The following PRLR variants were observed in gnomAD, a reference collection of about 807,000 sequenced individuals.
PRLR encodes prolactin receptor.
Under a neutral mutation model 40.2 loss-of-function variants are expected in PRLR, and 13 were observed. That is an observed-to-expected ratio of 0.32 (90% CI 0.21 to 0.51). The LOEUF (loss-of-function observed/expected upper bound fraction) is 0.51. Ranked by LOEUF, PRLR falls within the 20% of genes least tolerant of loss-of-function variation. The pLI, the probability that PRLR is intolerant of heterozygous loss-of-function variation, is 0.97. For synonymous variants in PRLR, 269 were observed against 278.7 expected (o/e 0.97, Z 0.35); for missense variants, 656 against 747.3 (o/e 0.88, Z 1.42).
intron 1 of PRLR, among the ~76,000 whole-genome samples, chr5:35,155,188 T>C (rs1774452477): frequency 1.3e-5 from 2 of 152,106 alleles, no homozygotes; most frequent in Admixed American, 1.3e-4. Context: ...TATGAATAAA[T>C]ATACATTTAC....
intron 1 of PRLR, among the ~76,000 whole-genome samples, chr5:35,147,038 T>C (rs145331533): frequency 1.2e-3 from 187 of 152,264 alleles, no homozygotes; most frequent in African/African-American, 4.1e-3. Flanking sequence ...GAGAGTAGGA[T>C]GCTGAACTGA....
intron 1 of PRLR, among the ~76,000 whole-genome samples, chr5:35,215,694 A>G (rs754868838): frequency 2.0e-5 from 3 of 151,986 alleles, no homozygotes; most frequent in Non-Finnish European, 2.9e-5. Flanking sequence ...CCTCACCCCT[A>G]GGGCAAGTTC....
chr5:35,156,289 C>T (rs1033523393), intron 1 of PRLR, among the ~76,000 whole-genome samples: 1 of 152,092 alleles, frequency 6.6e-6, no homozygotes, highest in Admixed American at 6.5e-5. Context: ...CTTACTTGCA[C>T]CACCGAGGTC....
chr5:35,127,809 T>C (rs1224325364), intron 1 of PRLR, among the ~76,000 whole-genome samples: 1 of 152,150 alleles, frequency 6.6e-6, no homozygotes, highest in African/African-American at 2.4e-5. Context: ...AGCTAATCTA[T>C]GGAAACAGAA....
intron 1 of PRLR, among the ~76,000 whole-genome samples, chr5:35,175,628 CT>C (rs1213049554): frequency 6.6e-6 from 1 of 152,176 alleles, no homozygotes; most frequent in Non-Finnish European, 1.5e-5. Context: ...TCTCCTAAGC[CT>C]TAATATTTCA....
At chr5:35,087,778 T>G (rs932335184) in intron 3 of PRLR, among the ~76,000 whole-genome samples, 1 of 152,148 alleles carries the variant, frequency 6.6e-6, no homozygotes, top group African/African-American at 2.4e-5. Flanking sequence ...TGCTTGGATG[T>G]CAGGTTCAAA....
intron 1 of PRLR, among the ~76,000 whole-genome samples, chr5:35,229,973 C>G (rs9292578): frequency 6.6e-6 from 1 of 152,182 alleles, no homozygotes; most frequent in Non-Finnish European, 1.5e-5. Context: ...CGAATGCGAG[C>G]CGAGTGCAGT....
chr5:35,086,013 A>G (rs1292197112), intron 4 of PRLR, among the ~76,000 whole-genome samples, 195 bp downstream of exon 4: 2 of 152,006 alleles, frequency 1.3e-5, no homozygotes, highest in Admixed American at 1.3e-4. Flanking sequence ...TGGTAACCTT[A>G]TGTATATTGA....
chr5:35,181,802 C>T (rs1054651399), intron 1 of PRLR, among the ~76,000 whole-genome samples: 13 of 152,144 alleles, frequency 8.5e-5, no homozygotes, highest in Non-Finnish European at 1.8e-4. Context: ...TAGAAGTCGT[C>T]TGGGTTGCTT....
chr5:35,136,512 T>C (rs1172973502), intron 1 of PRLR, among the ~76,000 whole-genome samples: 2 of 152,170 alleles, frequency 1.3e-5, no homozygotes. Context: ...CAAATTCCCC[T>C]GGGAGGCAAA....
chr5:35,111,256 A>G (rs1772644971), intron 2 of PRLR, among the ~76,000 whole-genome samples: 1 of 152,186 alleles, frequency 6.6e-6, no homozygotes, highest in African/African-American at 2.4e-5. Flanking sequence ...TAATGGCAAC[A>G]TATATTTTAA....
chr5:35,197,231 G>T (rs1775761018), intron 1 of PRLR, among the ~76,000 whole-genome samples: 1 of 152,216 alleles, frequency 6.6e-6, no homozygotes, highest in African/African-American at 2.4e-5. Flanking sequence ...ACAAGTGGGA[G>T]AATGGGAAAG....
At chr5:35,117,516 G>T (rs1773095618) in intron 2 of PRLR, among the ~76,000 whole-genome samples, 1 of 152,126 alleles carries the variant, frequency 6.6e-6, no homozygotes, top group Non-Finnish European at 1.5e-5. Flanking sequence ...TGATCTATTT[G>T]CTAAGCAGTC....
chr5:35,131,000 C>T (rs182130654), intron 1 of PRLR, among the ~76,000 whole-genome samples: 2 of 152,278 alleles, frequency 1.3e-5, no homozygotes, highest in African/African-American at 4.8e-5. Context: ...GAGCATGGCC[C>T]TGCTGAAACC....
Position 35,086,232 on chromosome 5 carries a change from T to C in PRLR, c.179A>G (p.Tyr60Cys). The change falls in exon 4 of 10, where the codon TAT becomes TGT. Residue 60 changes from tyrosine (Y) to cysteine (C), a missense_variant. Physicochemically the swap from Tyr to Cys is radical, Grantham distance 194. This residue lies in a region of PRLR where 180 missense variants were observed against 236.8 expected (regional missense o/e 0.76). Coordinates refer to ENST00000618457, the MANE Select transcript of PRLR (RefSeq NM_000949.7). ...CCCTTCCCTGTGGTAAGTCAGTGAA[T>C]AATTGGTAGGAAGTCCTCCATCTGT... is the stretch of plus-strand genomic sequence containing the variant. ...PGTDGGLPTNYSLTYHREGET... is the reference protein window; with the variant it reads ...PGTDGGLPTNCSLTYHREGET... 1 of 1,613,984 alleles carries C rather than the reference T, an allele frequency of 6.2e-7. No homozygotes were observed. Among genetic ancestry groups the C allele is most frequent in the Non-Finnish European group, 8.5e-7 (1 of 1,179,938 alleles).
At chr5:35,153,985 C>A (rs934055251) in intron 1 of PRLR, among the ~76,000 whole-genome samples, 2 of 152,142 alleles carry the variant, frequency 1.3e-5, no homozygotes, top group African/African-American at 4.8e-5. Flanking sequence ...CAAAACCAAT[C>A]GCACAAAATA....
rs1361118915 is a variant in PRLR, at chr5:35,061,505, G to A, written c.*3584C>T. The A allele has an allele frequency of 2.0e-5, 3 of 152,204 alleles. 1 individual carries two copies. The highest frequency in any genetic ancestry group is 4.4e-5 in the Non-Finnish European group (3 of 68,044). The allele number at this position is 152,204 out of a possible 1,614,324, so 9.4% of individuals were successfully genotyped here. ...TAAAGGATTGACCCCTTCAGACCAA[G>A]CCAGTTAAAGTGAGTCTTTTGTACT... On this transcript the variant is annotated 3_prime_UTR_variant, in exon 10 of 10. Transcript: ENST00000618457.
At chr5:35,114,763 C>T (rs919447800) in intron 2 of PRLR, among the ~76,000 whole-genome samples, 2 of 152,194 alleles carry the variant, frequency 1.3e-5, no homozygotes, top group South Asian at 2.1e-4. Flanking sequence ...CCACAGAACT[C>T]AGAGGCCATC....
At chr5:35,195,573 C>T (rs944281353) in intron 1 of PRLR, 13 of 152,194 alleles carry the variant, frequency 8.5e-5, no homozygotes, top group Non-Finnish European at 1.5e-4. Flanking sequence ...GGCAGCTGGA[C>T]ACCTCACCCA....
Sources: gnomAD v4.1 joint callset for allele counts (sites outside exome capture counted in the v4.1 genomes callset) on GRCh38, gnomAD v4.1.1 for gene constraint, gnomAD v4.1.1 regional missense constraint, MANE v1.5 for transcripts, NCBI Gene and HGNC (gene_info 2026-07-23, HGNC 2026-07-21) for gene names.